Variants in NDST4 observed in about 807,000 individuals in gnomAD.
NDST4 encodes N-deacetylase and N-sulfotransferase 4.
In NDST4, 63 loss-of-function variants were observed where a neutral mutation model predicts 100.8. That is an observed-to-expected ratio of 0.62 (90% CI 0.51 to 0.77). The LOEUF is 0.77. Among genes scored for constraint, NDST4 ranks in the 30% least tolerant of loss-of-function variants. The pLI is 0.00. For missense variants in NDST4, 943 were observed against 1,018.4 expected, an observed-to-expected ratio of 0.93 and a Z score of 1.01; for synonymous variants, 377 against 361.8, an observed-to-expected ratio of 1.04 and a Z score of -0.48.
At chr4:114,889,124 C>G (rs1724540046) in intron 6 of NDST4, among the ~76,000 whole-genome samples, 1 of 151,968 alleles carries the variant, frequency 6.6e-6, no homozygotes, top group Admixed American at 6.6e-5. Flanking sequence ...ATTTCCAAAC[C>G]AAATTTTTAT....
intron 2 of NDST4, among the ~76,000 whole-genome samples, chr4:115,033,160 T>TG (rs1728158714): frequency 7.6e-6 from 1 of 131,544 alleles, no homozygotes. Context: ...TATATATATT[T>TG]TTTTTTTTTT....
intron 11 of NDST4, among the ~76,000 whole-genome samples, chr4:114,834,493 G>T (rs909781124): frequency 1.5e-5 from 2 of 131,300 alleles, no homozygotes; most frequent in Middle Eastern, 4.8e-3. Context: ...CAGCCTGGGT[G>T]ATGGAGCGAG....
At position 115,038,983 on chromosome 4, in the gene NDST4, GAA is replaced by G. The variant is rs33951232; in HGVS notation, c.978+37074_978+37075del. The stretch of plus-strand genomic sequence containing the variant: ...TGACAGCAAGATACTACCTCAGAAA[GAA>G]AAAAAAAATTCTCAAAATATGTTGT... On this transcript the variant is annotated intron_variant, in intron 2 of 13. Coordinates refer to ENST00000264363, the MANE Select transcript of NDST4 (RefSeq NM_022569.3). Among the ~76,000 whole-genome samples the G allele has an allele frequency of 9.4e-4, 141 of 149,378 alleles. 2 individuals are homozygous for G. The highest frequency in any genetic ancestry group is 3.1e-3 in the African/African-American group (128 of 41,004).
chr4:114,937,626 A>G lies in NDST4; in HGVS notation c.1222-123T>C, dbSNP rs1053062856. ...TGCTAAATATGAGAATTAAAAATCC[A>G]GCAAGGTAGAGGTTTTATCTTCGAG... is the stretch of plus-strand genomic sequence containing the variant. On this transcript the variant is annotated intron_variant, in intron 4 of 13. Coordinates refer to ENST00000264363, the MANE Select transcript of NDST4 (RefSeq NM_022569.3). 3 of 764,702 alleles carry G rather than the reference A, an allele frequency of 3.9e-6. No homozygotes were observed. The African/African-American group carries it at 5.4e-5, about 14-fold the overall frequency. 47.4% of individuals were successfully genotyped at this position (764,702 alleles called of 1,614,324 possible).
intron 6 of NDST4, among the ~76,000 whole-genome samples, chr4:114,886,947 A>C (rs892463477): frequency 6.6e-6 from 1 of 152,184 alleles, no homozygotes; most frequent in African/African-American, 2.4e-5. Context: ...GAAAAAGATA[A>C]GACAGAGTTA....
At chr4:114,905,225 GT>G (rs1724924103) in intron 6 of NDST4, among the ~76,000 whole-genome samples, 1 of 149,072 alleles carries the variant, frequency 6.7e-6, no homozygotes, top group Non-Finnish European at 1.5e-5. Flanking sequence ...CCTAAATTAT[GT>G]ATTCCCTGGA....
intron 2 of NDST4, among the ~76,000 whole-genome samples, chr4:115,036,650 GT>G (rs966380497): frequency 4.0e-5 from 6 of 151,850 alleles, no homozygotes; most frequent in African/African-American, 7.2e-5. Flanking sequence ...TCCACTCTGA[GT>G]TTTTTGTTGC....
intron 2 of NDST4, among the ~76,000 whole-genome samples, chr4:115,061,842 TA>T (rs1728830824): frequency 6.6e-6 from 1 of 151,958 alleles, no homozygotes. Flanking sequence ...TAAACTACTT[TA>T]AAAAAGCATG....
intron 4 of NDST4, among the ~76,000 whole-genome samples, chr4:114,962,690 T>A (rs1333782532): frequency 6.6e-6 from 1 of 152,066 alleles, no homozygotes; most frequent in African/African-American, 2.4e-5. Flanking sequence ...AGACAACCCA[T>A]GTTCATGTAT....
At chr4:114,959,627 A>G (rs1476786064) in intron 4 of NDST4, among the ~76,000 whole-genome samples, 1 of 152,194 alleles carries the variant, frequency 6.6e-6, no homozygotes, top group Non-Finnish European at 1.5e-5. Context: ...ATTCAAGACA[A>G]GATTTGGGTA....
chr4:114,986,619 A>C (rs1314814566), intron 2 of NDST4, among the ~76,000 whole-genome samples: 1 of 151,266 alleles, frequency 6.6e-6, no homozygotes, highest in Non-Finnish European at 1.5e-5. Flanking sequence ...TGCGTCCTGC[A>C]CTCTCTTCCT....
At chr4:114,958,117 C>A (rs1726179277) in intron 4 of NDST4, among the ~76,000 whole-genome samples, 1 of 152,244 alleles carries the variant, frequency 6.6e-6, no homozygotes, top group South Asian at 2.1e-4. Flanking sequence ...GGGCTCCCAC[C>A]TCACATTTCC....
chr4:115,091,616 T>A (rs565596941), intron 1 of NDST4, among the ~76,000 whole-genome samples: 1 of 152,144 alleles, frequency 6.6e-6, no homozygotes, highest in Non-Finnish European at 1.5e-5. Flanking sequence ...AGTTATATTT[T>A]AAAGTTGTCA....
At position 115,104,292 on chromosome 4, in the gene NDST4, C is replaced by CT. The variant is rs372988294; in HGVS notation, c.-247+9151dup. The stretch of plus-strand genomic sequence containing the variant: ...GTAGCTTATTATGTTTACCAAACTG[C>CT]TTTTTTGGAAGAAATTACTACTGCC... On this transcript the variant is annotated intron_variant, in intron 1 of 13. Coordinates refer to ENST00000264363, the MANE Select transcript of NDST4 (RefSeq NM_022569.3). Among the ~76,000 whole-genome samples, 424 of 152,098 alleles carry CT rather than the reference C, an allele frequency of 2.8e-3. 3 individuals carry two copies. Among genetic ancestry groups the CT allele is most frequent in the African/African-American group, 9.3e-3 (385 of 41,510 alleles).
At chr4:115,031,951 C>G (rs767862048) in intron 2 of NDST4, among the ~76,000 whole-genome samples, 5 of 152,050 alleles carry the variant, frequency 3.3e-5, no homozygotes, top group Non-Finnish European at 7.4e-5. Context: ...CTAGAGGTTA[C>G]TGAAGACCAG....
At chr4:115,091,214 T>C (rs1174621245) in intron 1 of NDST4, among the ~76,000 whole-genome samples, 2 of 152,118 alleles carry the variant, frequency 1.3e-5, no homozygotes, top group Non-Finnish European at 2.9e-5. Context: ...TTTAAGTATA[T>C]ACAATAATAT....
At chr4:114,937,173 A>C in intron 5 of NDST4, 145 bp downstream of exon 5, 2 of 858,342 alleles carry the variant, frequency 2.3e-6, no homozygotes, top group Non-Finnish European at 3.6e-6. Context: ...TTAATGCATA[A>C]CCAGTCACCA....
At chr4:114,922,047 C>A (rs914341593) in intron 6 of NDST4, among the ~76,000 whole-genome samples, 2 of 152,164 alleles carry the variant, frequency 1.3e-5, no homozygotes, top group African/African-American at 2.4e-5. Flanking sequence ...CACCACCCCC[C>A]ACCGCCTTCC....
chr4:115,033,129 G>A lies in NDST4; in HGVS notation c.978+42930C>T, dbSNP rs1271704302. On this transcript the variant is annotated intron_variant, in intron 2 of 13. Transcript: ENST00000264363. ...TTGAATGCAAAAATTATATATATAT[G>A]TGTATATATATATATATATATATAT... 2.7e-3 allele frequency among the ~76,000 whole-genome samples: 152 copies of A among 55,870 alleles called. 1 individual carries two copies. The highest frequency in any genetic ancestry group is 0.01 in the African/African-American group (145 of 13,904). The allele number at this position is 55,870 out of a possible 152,430, so 36.7% of individuals were successfully genotyped here.
Sources: gnomAD v4.1 joint callset for allele counts (sites outside exome capture counted in the v4.1 genomes callset) on GRCh38, gnomAD v4.1.1 for gene constraint, MANE v1.5 for transcripts, NCBI Gene and HGNC (gene_info 2026-07-23, HGNC 2026-07-21) for gene names.